The following ZCCHC7 variants were observed in gnomAD, a reference collection of about 807,000 sequenced individuals.
ZCCHC7 encodes zinc finger CCHC domain-containing protein 7.
A neutral mutation model predicts 52.0 loss-of-function variants in ZCCHC7; 35 were observed. The observed-to-expected ratio is 0.67, with a 90% confidence interval of 0.51 to 0.89. The LOEUF is 0.89. Ranked by LOEUF, ZCCHC7 falls within the 40% of genes least tolerant of loss-of-function variation. The pLI is 0.00. For synonymous variants in ZCCHC7, 217 were observed against 221.5 expected (o/e 0.98, Z 0.18); for missense variants, 574 against 649.1 (o/e 0.88, Z 1.26).
At chr9:37,223,859 G>T (rs1824955444) in intron 2 of ZCCHC7, among the ~76,000 whole-genome samples, 1 of 152,024 alleles carries the variant, frequency 6.6e-6, no homozygotes, top group East Asian at 1.9e-4. Context: ...AGAATATTAT[G>T]ATTTAACAAG....
intron 2 of ZCCHC7, among the ~76,000 whole-genome samples, chr9:37,281,708 G>GTTA (rs1253163487): frequency 6.6e-6 from 1 of 152,164 alleles, no homozygotes; most frequent in Non-Finnish European, 1.5e-5. Flanking sequence ...CAGTTGCTAA[G>GTTA]GGAAGGAAAT....
At chr9:37,152,517 T>C (rs1820586128) in intron 2 of ZCCHC7, among the ~76,000 whole-genome samples, 1 of 152,234 alleles carries the variant, frequency 6.6e-6, no homozygotes, top group Non-Finnish European at 1.5e-5. Flanking sequence ...CTTAGGCTTC[T>C]CTTGGCTGTG....
intron 2 of ZCCHC7, among the ~76,000 whole-genome samples, chr9:37,244,328 C>T (rs1271087423): frequency 6.6e-6 from 1 of 151,148 alleles, no homozygotes; most frequent in Non-Finnish European, 1.5e-5. Context: ...TATTTTAGAG[C>T]AACTTGGATT....
intron 2 of ZCCHC7, among the ~76,000 whole-genome samples, chr9:37,225,397 T>A (rs1047459632): frequency 5.9e-5 from 9 of 152,204 alleles, no homozygotes; most frequent in Non-Finnish European, 1.3e-4. Context: ...ACCAATTCTT[T>A]ACAAACTCTT....
intron 2 of ZCCHC7, among the ~76,000 whole-genome samples, chr9:37,286,670 G>A (rs1219244123): frequency 1.3e-5 from 2 of 150,682 alleles, no homozygotes; most frequent in Non-Finnish European, 1.5e-5. Context: ...AAGAAGGAAA[G>A]AAAAGAAAAA....
intron 2 of ZCCHC7, among the ~76,000 whole-genome samples, chr9:37,255,715 C>T (rs990609573): frequency 2.6e-5 from 4 of 152,104 alleles, no homozygotes; most frequent in African/African-American, 9.7e-5. Context: ...CATCATAGTG[C>T]TCTATCAGCC....
chr9:37,345,617 G>A (rs1311442982), intron 6 of ZCCHC7, among the ~76,000 whole-genome samples: 2 of 152,070 alleles, frequency 1.3e-5, no homozygotes, highest in Non-Finnish European at 2.9e-5. Flanking sequence ...CTACTCTGAA[G>A]GCTGAGGCAG....
At chr9:37,162,724 C>G (rs1821174096) in intron 2 of ZCCHC7, among the ~76,000 whole-genome samples, 1 of 152,112 alleles carries the variant, frequency 6.6e-6, no homozygotes, top group Non-Finnish European at 1.5e-5. Flanking sequence ...GAGTAAATAC[C>G]TCGGAGTGGA....
intron 2 of ZCCHC7, among the ~76,000 whole-genome samples, chr9:37,141,094 A>T (rs992155550): frequency 6.6e-6 from 1 of 151,976 alleles, no homozygotes; most frequent in African/African-American, 2.4e-5. Context: ...TTAGTAGTAT[A>T]CCTGCAACCT....
At chr9:37,163,908 T>C (rs1821257585) in intron 2 of ZCCHC7, among the ~76,000 whole-genome samples, 1 of 152,212 alleles carries the variant, frequency 6.6e-6, no homozygotes, top group African/African-American at 2.4e-5. Flanking sequence ...ATATCTAACT[T>C]CTAGCACCAT....
At chr9:37,212,070 A>AAAAAAAT (rs1824267161) in intron 2 of ZCCHC7, among the ~76,000 whole-genome samples, 5 of 138,636 alleles carry the variant, frequency 3.6e-5, no homozygotes, top group Non-Finnish European at 7.8e-5. Flanking sequence ...AAAAAAGAAA[A>AAAAAAAT]TCTTTGGCAA....
chr9:37,121,240 C>G (rs1003089662), intron 1 of ZCCHC7, among the ~76,000 whole-genome samples: 8 of 152,172 alleles, frequency 5.3e-5, no homozygotes, highest in Non-Finnish European at 1.2e-4. Flanking sequence ...AATCAGGAGG[C>G]CTGGGTTCTA....
intron 2 of ZCCHC7, among the ~76,000 whole-genome samples, chr9:37,127,811 C>T (rs955136004): frequency 6.6e-6 from 1 of 151,990 alleles, no homozygotes; most frequent in Non-Finnish European, 1.5e-5. Context: ...TGCTTGGAGC[C>T]CCTGGGATTG....
At chr9:37,280,245 A>G (rs1392611475) in intron 2 of ZCCHC7, among the ~76,000 whole-genome samples, 1 of 152,194 alleles carries the variant, frequency 6.6e-6, no homozygotes, top group East Asian at 1.9e-4. Flanking sequence ...GACGGGATTA[A>G]AGGATCTCCT....
chr9:37,165,085 T>C (rs895514542), intron 2 of ZCCHC7, among the ~76,000 whole-genome samples: 22 of 152,232 alleles, frequency 1.4e-4, no homozygotes, highest in Admixed American at 2.6e-4. Flanking sequence ...AATTTATCCC[T>C]GAGTGTTTTA....
At chr9:37,198,841 A>G (rs1823431580) in intron 2 of ZCCHC7, among the ~76,000 whole-genome samples, 1 of 152,208 alleles carries the variant, frequency 6.6e-6, no homozygotes, top group African/African-American at 2.4e-5. Flanking sequence ...GGTAGAGTGA[A>G]GGAAGAGGCA....
In ZCCHC7 at chr9:37,357,952, T is replaced by C. The variant is rs1189312506; in HGVS notation, c.*684T>C. ...TAACATAATCACAATGAAATCATTT[T>C]TTACCACTTTTACAGCGGTGTTTCA... On this transcript the variant is annotated 3_prime_UTR_variant, in exon 9 of 9. Coordinates refer to ENST00000336755, the MANE Select transcript of ZCCHC7 (RefSeq NM_032226.3). The C allele has an allele frequency of 1.3e-5, 2 of 152,112 alleles. No individual in the cohort carries two copies. The highest frequency in any genetic ancestry group is 2.9e-5 in the Non-Finnish European group (2 of 68,016). The allele number at this position is 152,112 out of a possible 1,614,324, so 9.4% of individuals were successfully genotyped here. A position where few individuals can be genotyped will look rare whatever the true frequency, so the allele number is the denominator to read the frequency against.
At chr9:37,265,129 A>T (rs1282179996) in intron 2 of ZCCHC7, among the ~76,000 whole-genome samples, 1 of 152,076 alleles carries the variant, frequency 6.6e-6, no homozygotes, top group African/African-American at 2.4e-5. Flanking sequence ...CCTAGGTAAT[A>T]CTCTTTGAGA....
At chr9:37,271,222 T>G (rs372444155) in intron 2 of ZCCHC7, among the ~76,000 whole-genome samples, 8 of 152,266 alleles carry the variant, frequency 5.3e-5, no homozygotes, top group East Asian at 1.9e-4. Context: ...ATAATCAGGC[T>G]TCTAGATCCA....
Sources: allele counts gnomAD v4.1 joint callset (sites outside exome capture counted in the v4.1 genomes callset), GRCh38; gene constraint gnomAD v4.1.1; transcripts MANE v1.5; gene names NCBI Gene and HGNC (gene_info 2026-07-23, HGNC 2026-07-21).